Variants in PHYKPL observed in about 807,000 individuals in gnomAD.
PHYKPL encodes the protein 5-phosphonooxy-L-lysine phospho-lyase.
In PHYKPL, 42 loss-of-function variants were observed where a neutral mutation model predicts 51.3. The ratio of observed to expected loss-of-function variants is 0.82; its 90% CI spans 0.64 to 1.06. The LOEUF is 1.06. Ranked by LOEUF, PHYKPL falls within the 50% of genes least tolerant of loss-of-function variation. The pLI, the probability that PHYKPL is intolerant of heterozygous loss-of-function variation, is 0.00. For synonymous variants in PHYKPL, 264 were observed against 236.0 expected, an observed-to-expected ratio of 1.12 and a Z score of -1.09; for missense variants, 655 against 586.6, an observed-to-expected ratio of 1.12 and a Z score of -1.20.
intron 12 of PHYKPL, chr5:178,211,678 T>G (rs112811507): frequency 3.6e-4 from 196 of 548,078 alleles, no homozygotes; most frequent in Middle Eastern, 2.9e-3. Flanking sequence ...TACAGCCCCA[T>G]AGGTTTCAAG....
intron 3 of PHYKPL, chr5:178,228,517 TCCAG>T (rs1232164983): frequency 1.4e-6 from 1 of 702,536 alleles, no homozygotes; most frequent in Non-Finnish European, 2.6e-6. Context: ...CCCTTCTCTT[TCCAG>T]AGGCTCCAGC....
In PHYKPL at chr5:178,215,381, A is replaced by T. The variant is rs1759559967; in HGVS notation, c.977T>A (p.Val326Asp). The T allele has an allele frequency of 2.5e-6, 4 of 1,613,930 alleles. No individual in the cohort carries two copies. The highest frequency in any genetic ancestry group is 3.4e-6 in the Non-Finnish European group (4 of 1,179,964). Residue 326 changes from valine to aspartate, a missense_variant, in exon 9 of 13, where the codon GTC becomes GAC. By Grantham distance (152) the Val-to-Asp change is radical. Transcript: ENST00000308158. ...ATCCTGGAGCTGCTCCTTCTCCAAG[A>T]CATTCAGGACGGCCAGCCCCACAGC... ...SCAVGLAVLN[V>D]LEKEQLQDHA...
intron 9 of PHYKPL, 90 bp from the exon 10 acceptor site, chr5:178,214,975 G>GA: frequency 8.4e-7 from 1 of 1,191,196 alleles, no homozygotes. Context: ...TGTGCCTCCT[G>GA]AGGGGGCTGA....
chr5:178,224,315 C>A (rs535219455), intron 6 of PHYKPL, 133 bp downstream of exon 6: 7 of 1,003,812 alleles, frequency 7.0e-6, no homozygotes, highest in Admixed American at 2.9e-5. Context: ...CCCAAACTGC[C>A]CCTATCCCAG....
chr5:178,212,147 C>G (rs1758648560), intron 11 of PHYKPL, among the ~76,000 whole-genome samples, 177 bp from the exon 12 acceptor site: 1 of 152,258 alleles, frequency 6.6e-6, no homozygotes, highest in African/African-American at 2.4e-5. Flanking sequence ...AGCCAGCCCT[C>G]AGTTCTCCTG....
chr5:178,210,520 A>G, intron 12 of PHYKPL: 1 of 1,606,482 alleles, frequency 6.2e-7, no homozygotes, highest in African/African-American at 1.3e-5. Context: ...AATGCTTGTA[A>G]ATAGTAGCTG....
intron 8 of PHYKPL, among the ~76,000 whole-genome samples, chr5:178,220,456 C>A (rs374601822): frequency 3.3e-5 from 5 of 151,892 alleles, no homozygotes; most frequent in African/African-American, 1.2e-4. Context: ...GATCGCGCCA[C>A]AGCACTCCAG....
intron 12 of PHYKPL, chr5:178,210,875 C>T (rs576448036): frequency 3.7e-6 from 2 of 547,770 alleles, no homozygotes; most frequent in Admixed American, 3.3e-5. Flanking sequence ...CCCCCAGAAG[C>T]AGGTGGGAGG....
In PHYKPL at chr5:178,232,487, G is replaced by A. The variant is rs1417479938; in HGVS notation, c.59+5C>T. ...CCCCCCGCCGCCCGCCCCCCGCCCG[G>A]GTACCTGATGAGCCGTTGCCTCAGG... On this transcript the variant is annotated splice_donor_5th_base_variant and intron_variant, in intron 1 of 12. Coordinates refer to ENST00000308158, the MANE Select transcript of PHYKPL (RefSeq NM_153373.4). 3 of 1,354,704 alleles carry A rather than the reference G, an allele frequency of 2.2e-6. No individual in the cohort carries two copies. The East Asian group carries it at 9.3e-5, about 42-fold the overall frequency. 83.9% of individuals were successfully genotyped at this position (1,354,704 alleles called of 1,614,324 possible). A position where few individuals can be genotyped will look rare whatever the true frequency, so the allele number is the denominator to read the frequency against.
intron 8 of PHYKPL, among the ~76,000 whole-genome samples, chr5:178,218,216 CAAAAAAAAA>C (rs777929826): frequency 5.1e-5 from 3 of 58,282 alleles, no homozygotes; most frequent in African/African-American, 1.6e-4. Context: ...AACTCCGTCT[CAAAAAAAAA>C]AAAAAAAAAA....
chr5:178,210,745 TAAA>T, intron 12 of PHYKPL: 1 of 756,112 alleles, frequency 1.3e-6, no homozygotes, highest in Non-Finnish European at 2.3e-6. Flanking sequence ...GCATCTTATT[TAAA>T]ATTTCCCCCA....
At chr5:178,209,352 C>T in intron 12 of PHYKPL, 2 of 1,614,086 alleles carry the variant, frequency 1.2e-6, no homozygotes, top group Admixed American at 1.7e-5. Flanking sequence ...GTGGCCCAGC[C>T]CAAAGAAGTC....
Position 178,232,610 on chromosome 5 carries a change from G to C in PHYKPL, c.-60C>G. ...GCGGAGACGTCGCCGCGCGGGCTGG[G>C]CCTCCAAGGCCCCGCTCCGGGCCCC... On this transcript the variant is annotated 5_prime_UTR_variant, in exon 1 of 13. Coordinates refer to ENST00000308158, the MANE Select transcript of PHYKPL (RefSeq NM_153373.4). 1 of 1,246,680 alleles carries C rather than the reference G, an allele frequency of 8.0e-7. No individual in the cohort carries two copies. The highest frequency in any genetic ancestry group is 3.3e-5 in the South Asian group (1 of 30,092). 77.2% of individuals were successfully genotyped at this position (1,246,680 alleles called of 1,614,324 possible).
intron 8 of PHYKPL, among the ~76,000 whole-genome samples, chr5:178,220,481 G>A (rs1183973471): frequency 3.9e-5 from 6 of 152,090 alleles, no homozygotes; most frequent in Non-Finnish European, 7.4e-5. Context: ...GGCAACAAGA[G>A]TGAAACTCTT....
chr5:178,232,643 C>T lies in PHYKPL; in HGVS notation c.-93G>A, dbSNP rs533183068. ...GGCCCCGCTCCGGGCCCCGCCCCTG[C>T]CTGGGTCGGGATTTGGGGCTCAGGT... On this transcript the variant is annotated 5_prime_UTR_variant, in exon 1 of 13. Coordinates refer to ENST00000308158, the MANE Select transcript of PHYKPL (RefSeq NM_153373.4). The T allele has an allele frequency of 2.3e-5, 28 of 1,208,822 alleles. 2 individuals are homozygous for T. The highest frequency in any genetic ancestry group is 1.9e-4 in the South Asian group (5 of 25,964). 74.9% of individuals were successfully genotyped at this position (1,208,822 alleles called of 1,614,324 possible).
At position 178,230,021 on chromosome 5, in the gene PHYKPL, T is replaced by C. The variant is rs745665429; in HGVS notation, c.257A>G (p.His86Arg). 6.2e-7 allele frequency: 1 copy of C among 1,614,266 alleles called. No individual in the cohort carries two copies. The highest frequency in any genetic ancestry group is 8.5e-7 in the Non-Finnish European group (1 of 1,180,048). The change falls in exon 3 of 13, where the codon CAT (histidine) becomes CGT (arginine). Residue 86 changes from histidine (H) to arginine (R), a missense_variant. His to Arg is a conservative substitution (Grantham distance 29). Coordinates refer to ENST00000308158, the MANE Select transcript of PHYKPL (RefSeq NM_153373.4). Reference sequence around the variant, plus strand: ...CTGCGCATAGTCCACGATGTTGTCATGCAGGTACCGGCTGTTGGTGTTGAG... The same window carrying C: ...CTGCGCATAGTCCACGATGTTGTCACGCAGGTACCGGCTGTTGGTGTTGAG... ...QVLNTNSRYLHDNIVDYAQRL... is the reference protein window; with the variant it reads ...QVLNTNSRYLRDNIVDYAQRL...
At chr5:178,221,927 C>G (rs1761245967) in intron 8 of PHYKPL, among the ~76,000 whole-genome samples, 1 of 152,210 alleles carries the variant, frequency 6.6e-6, no homozygotes, top group African/African-American at 2.4e-5. Context: ...GTCAGCTTCA[C>G]TCAGGGAAAG....
chr5:178,227,225 G>A (rs1762479014), intron 3 of PHYKPL, among the ~76,000 whole-genome samples: 1 of 152,116 alleles, frequency 6.6e-6, no homozygotes. Context: ...GAGAAAATCT[G>A]GACACACAAA....
At position 178,231,495 on chromosome 5, in the gene PHYKPL, C is replaced by A; in HGVS notation, c.88G>T (p.Asp30Tyr). 1 of 1,614,170 alleles carries A rather than the reference C, an allele frequency of 6.2e-7. No individual in the cohort carries two copies. The highest frequency in any genetic ancestry group is 8.5e-7 in the Non-Finnish European group (1 of 1,180,022). Reference protein sequence around the residue: ...SSSCRLFFPEDPVKIVRAQGQ... With the variant: ...SSSCRLFFPEYPVKIVRAQGQ... ...TGGGCCCGGACAATCTTAACAGGAT[C>A]CTCGGGAAAAAAGAGTCTGCAGGAA... The change falls in exon 2 of 13, where the codon GAT (aspartate) becomes TAT (tyrosine). Residue 30 changes from aspartate (D) to tyrosine (Y), a missense_variant. By Grantham distance (160) the Asp-to-Tyr change is radical. Coordinates refer to ENST00000308158, the MANE Select transcript of PHYKPL (RefSeq NM_153373.4).
Sources: gnomAD v4.1 joint callset for allele counts (sites outside exome capture counted in the v4.1 genomes callset) on GRCh38, gnomAD v4.1.1 for gene constraint, MANE v1.5 for transcripts, NCBI Gene and HGNC (gene_info 2026-07-23, HGNC 2026-07-21) for gene names.